MRPS5: variants seen among roughly 807,000 people sequenced by gnomAD.
MRPS5 encodes small ribosomal subunit protein uS5m.
In MRPS5, 27 loss-of-function variants were observed where a neutral mutation model predicts 51.9. That is an observed-to-expected ratio of 0.52 (90% confidence interval 0.38 to 0.72). MRPS5 has a LOEUF of 0.72. Ranked by LOEUF, MRPS5 falls within the 30% of genes least tolerant of loss-of-function variation. MRPS5 has a pLI of 0.00. For synonymous variants in MRPS5, 196 were observed against 193.2 expected (o/e 1.01, Z -0.12); for missense variants, 570 against 545.7 (o/e 1.04, Z -0.44).
At chr2:95,100,733 T>C (rs1675770837) in intron 9 of MRPS5, 104 bp downstream of exon 9, 1 of 969,028 alleles carries the variant, frequency 1.0e-6, no homozygotes, top group Non-Finnish European at 1.5e-6. Flanking sequence ...TGTAAGAATG[T>C]AATAAGAGAG....
intron 7 of MRPS5, 84 bp from the exon 8 acceptor site, chr2:95,101,807 C>T (rs1319285912): frequency 2.4e-6 from 2 of 824,958 alleles, no homozygotes; most frequent in East Asian, 2.6e-5. Context: ...TCTGCTCCTA[C>T]AATATTTCAC....
At chr2:95,098,199 G>A (rs1229470839) in intron 10 of MRPS5, among the ~76,000 whole-genome samples, 1 of 152,236 alleles carries the variant, frequency 6.6e-6, no homozygotes, top group Non-Finnish European at 1.5e-5. Context: ...AACAGGTGCT[G>A]GAGAGGATGT....
intron 10 of MRPS5, among the ~76,000 whole-genome samples, chr2:95,099,641 T>C (rs1675739678): frequency 6.6e-6 from 1 of 152,340 alleles, no homozygotes; most frequent in East Asian, 1.9e-4. Flanking sequence ...TGAAGTCCAC[T>C]CAACACCTTT....
At chr2:95,106,359 T>TGCCAGCCCCCCC in intron 6 of MRPS5, 64 bp downstream of exon 6, 2 of 835,240 alleles carry the variant, frequency 2.4e-6, no homozygotes, top group Non-Finnish European at 4.2e-6. Context: ...TCTTGCCCTG[T>TGCCAGCCCCCCC]CCCTGCCCCA....
chr2:95,100,844 G>T lies in MRPS5; in HGVS notation c.861C>A (p.Asp287Glu). 6.3e-7 allele frequency: 1 copy of T among 1,598,906 alleles called. No homozygotes were observed. The change falls in exon 9 of 12, where the codon GAC (aspartate) becomes GAA (glutamate). Residue 287 changes from aspartate to glutamate, a missense_variant. Transcript: ENST00000272418. The part of the protein sequence containing the change: ...HHLHYIERYE[D>E]HTIFHDISLR... ...AAATAGATTATCACTCACTTGTATG[G>T]TCTTCATATCGTTCTATATAATGCA...
chr2:95,089,490 G>T (rs1235677800), intron 11 of MRPS5, among the ~76,000 whole-genome samples: 1 of 152,198 alleles, frequency 6.6e-6, no homozygotes, highest in Admixed American at 6.5e-5. Flanking sequence ...TGGGCAGGTA[G>T]GGGAGCTGCC....
intron 3 of MRPS5, among the ~76,000 whole-genome samples, chr2:95,110,424 C>T (rs1676084347): frequency 6.6e-6 from 1 of 152,190 alleles, no homozygotes; most frequent in Non-Finnish European, 1.5e-5. Context: ...AATAACTATC[C>T]TTCCTAAGTA....
chr2:95,118,519 C>T (rs1353758775), intron 1 of MRPS5, among the ~76,000 whole-genome samples: 1 of 152,256 alleles, frequency 6.6e-6, no homozygotes, highest in Non-Finnish European at 1.5e-5. Context: ...ACCTACTGTG[C>T]TCTCGCATAC....
intron 11 of MRPS5, among the ~76,000 whole-genome samples, chr2:95,090,172 G>A (rs865810691): frequency 5.8e-5 from 6 of 102,872 alleles, no homozygotes; most frequent in African/African-American, 2.0e-4. Flanking sequence ...GCGAGACTCC[G>A]TCTCAAAAAA....
At chr2:95,096,246 T>C (rs1030677798) in intron 10 of MRPS5, among the ~76,000 whole-genome samples, 7 of 152,214 alleles carry the variant, frequency 4.6e-5, no homozygotes, top group Non-Finnish European at 7.3e-5. Context: ...AGCCAAATTC[T>C]ACCAGAGGTA....
At chr2:95,109,411 CAACAAACTAAGGCCCACAG>C (rs1423565780) in intron 4 of MRPS5, among the ~76,000 whole-genome samples, 9 of 152,148 alleles carry the variant, frequency 5.9e-5, no homozygotes, top group African/African-American at 2.2e-4. Context: ...TTCTGGGTGT[CAACAAACTAAGGCCCACAG>C]GCCAACTCAG....
At chr2:95,105,016 C>G (rs1391986904) in intron 6 of MRPS5, among the ~76,000 whole-genome samples, 1 of 152,134 alleles carries the variant, frequency 6.6e-6, no homozygotes, top group South Asian at 2.1e-4. Context: ...TCGATATACC[C>G]TATCTTAATG....
At chr2:95,104,532 T>C (rs1477742916) in intron 7 of MRPS5, 108 bp downstream of exon 7, 2 of 1,171,024 alleles carry the variant, frequency 1.7e-6, no homozygotes, top group African/African-American at 1.5e-5. Context: ...GTTTAATCAA[T>C]GGAAAAAGTC....
At chr2:95,114,376 G>A (rs1480090060) in intron 3 of MRPS5, among the ~76,000 whole-genome samples, 2 of 151,234 alleles carry the variant, frequency 1.3e-5, no homozygotes, top group African/African-American at 4.8e-5. Context: ...TCCTGCCTCA[G>A]CCTCCCAAGT....
In MRPS5 at chr2:95,086,066, T is replaced by G. The variant is rs1028470330; in HGVS notation, c.*1291A>C. On this transcript the variant is annotated 3_prime_UTR_variant, in exon 12 of 12. Coordinates refer to ENST00000272418, the MANE Select transcript of MRPS5 (RefSeq NM_031902.5). ...CTGGGACTACAGGCATACACCACCA[T>G]GTGTGTCTAACTTTTAAATTTACTT... 1.3e-5 allele frequency among the ~76,000 whole-genome samples: 2 copies of G among 152,124 alleles called. No homozygotes were observed. The highest frequency in any genetic ancestry group is 6.6e-5 in the Admixed American group (1 of 15,258).
At chr2:95,103,353 G>C (rs1407551110) in intron 7 of MRPS5, among the ~76,000 whole-genome samples, 2 of 152,188 alleles carry the variant, frequency 1.3e-5, no homozygotes, top group African/African-American at 4.8e-5. Flanking sequence ...CATGTAAAAT[G>C]GTGTTCAAGC....
chr2:95,107,664 A>G (rs1675990306), intron 5 of MRPS5, among the ~76,000 whole-genome samples: 2 of 152,330 alleles, frequency 1.3e-5, no homozygotes, highest in African/African-American at 4.8e-5. Context: ...TGACAAGAAC[A>G]CATCTCTTGG....
chr2:95,090,578 C>A, intron 10 of MRPS5, 56 bp from the exon 11 acceptor site: 2 of 1,607,470 alleles, frequency 1.2e-6, no homozygotes, highest in South Asian at 2.2e-5. Flanking sequence ...CCGGAGGAGT[C>A]ACCCTGCTGG....
At chr2:95,093,948 G>C (rs1228981432) in intron 10 of MRPS5, among the ~76,000 whole-genome samples, 1 of 152,218 alleles carries the variant, frequency 6.6e-6, no homozygotes, top group Non-Finnish European at 1.5e-5. Flanking sequence ...AGTTAAAGGA[G>C]AATGTTCAAA....
Sources: allele counts gnomAD v4.1 joint callset (sites outside exome capture counted in the v4.1 genomes callset), GRCh38; gene constraint gnomAD v4.1.1; transcripts MANE v1.5; gene names NCBI Gene and HGNC (gene_info 2026-07-23, HGNC 2026-07-21).